Variants in LARP1 observed in about 807,000 individuals in gnomAD.
The protein encoded by LARP1 is La ribonucleoprotein 1, translational regulator.
In LARP1, 36 loss-of-function variants were observed where a neutral mutation model predicts 122.7. The ratio of observed to expected loss-of-function variants is 0.29; its 90% CI spans 0.22 to 0.39. The LOEUF (loss-of-function observed/expected upper bound fraction) is 0.39, where lower values mean the gene tolerates loss of function less well. Ranked by LOEUF, LARP1 falls within the 10% of genes least tolerant of loss-of-function variation. The probability of loss-of-function intolerance (pLI) is 1.00; values close to 1 mark genes in which losing one functional copy is unlikely to be tolerated. For synonymous variants in LARP1, 539 were observed against 528.7 expected (o/e 1.02, Z -0.27); for missense variants, 1,040 against 1,403.6 (o/e 0.74, Z 4.14).
Position 154,802,129 on chromosome 5 carries a change from G to A in LARP1, c.1839G>A (p.Met613Ile). ...EELDFLFDEE[M>I]EQMDGRKNTF... is the part of the protein sequence containing the mutation. ...TGGATTTTCTGTTTGACGAGGAGAT[G>A]GAGCAGATGGATGGGCGGAAGAACA... The change falls in exon 11 of 19, where the codon ATG (methionine) becomes ATA (isoleucine). Residue 613 changes from methionine (M) to isoleucine (I), a missense_variant. Transcript: ENST00000518297. This position sits in a 1 kb window ranked among gnomAD's most constrained non-coding sequence, Gnocchi z 5.1. The A allele has an allele frequency of 6.2e-7, 1 of 1,614,204 alleles. No homozygotes were observed. Among genetic ancestry groups the A allele is most frequent in the Non-Finnish European group, 8.5e-7 (1 of 1,180,038 alleles).
At chr5:154,751,918 T>C (rs1027773592), upstream of LARP1, among the ~76,000 whole-genome samples, 2 of 152,156 alleles carry the variant, frequency 1.3e-5, no homozygotes, top group Non-Finnish European at 1.5e-5. Flanking sequence ...TAAAATACCA[T>C]AGTTGGTTAG....
intron 1 of LARP1, among the ~76,000 whole-genome samples, chr5:154,706,295 AAATAATAATAATAATAATAAT>A (rs138415109): frequency 7.0e-6 from 1 of 142,692 alleles, no homozygotes; most frequent in Non-Finnish European, 1.5e-5. Flanking sequence ...CTTTGTCTCA[AAATAATAATAATAATAATAAT>A]AATAATAATA....
At chr5:154,796,001 T>C (rs755848014) in intron 8 of LARP1, among the ~76,000 whole-genome samples, 9 of 99,250 alleles carry the variant, frequency 9.1e-5, no homozygotes, top group East Asian at 2.4e-4. Flanking sequence ...TATTTTTATA[T>C]ATATTATATA....
At chr5:154,754,634 C>T (rs1753683234), upstream of LARP1, among the ~76,000 whole-genome samples, 1 of 152,266 alleles carries the variant, frequency 6.6e-6, no homozygotes, top group Non-Finnish European at 1.5e-5. Flanking sequence ...TCCGTTCCCA[C>T]TTCCTAGGCG....
intron 1 of LARP1, among the ~76,000 whole-genome samples, chr5:154,761,502 C>A (rs915200796): frequency 6.6e-6 from 1 of 152,100 alleles, no homozygotes; most frequent in African/African-American, 2.4e-5. Flanking sequence ...AACTACAAAA[C>A]CTCTTTAAGA....
intron 1 of LARP1, among the ~76,000 whole-genome samples, chr5:154,697,867 C>G (rs1754536699): frequency 6.6e-6 from 1 of 152,140 alleles, no homozygotes; most frequent in South Asian, 2.1e-4. Context: ...ACTCTATCCT[C>G]CAGGCTGGAG....
chr5:154,757,383 A>T (rs977350659), intron 1 of LARP1: 1 of 149,938 alleles, frequency 6.7e-6, no homozygotes. Flanking sequence ...GCCTTTGCCG[A>T]GAATAGATCG....
At chr5:154,800,428 C>A (rs1758256785) in intron 10 of LARP1, among the ~76,000 whole-genome samples, 2 of 152,010 alleles carry the variant, frequency 1.3e-5, no homozygotes, top group South Asian at 4.1e-4. Context: ...GTATGTAAGC[C>A]CCTTAGGTCC....
intron 16 of LARP1, among the ~76,000 whole-genome samples, chr5:154,809,006 A>G (rs905075610): frequency 6.6e-6 from 1 of 152,052 alleles, no homozygotes; most frequent in African/African-American, 2.4e-5. Flanking sequence ...GTTTTTGTTT[A>G]ATACTATATT....
chr5:154,738,584 T>G (rs915128700), intron 1 of LARP1, among the ~76,000 whole-genome samples: 3 of 151,716 alleles, frequency 2.0e-5, no homozygotes, highest in Admixed American at 6.6e-5. Context: ...AGAGCGAGAC[T>G]CCGTCTCAAA....
At chr5:154,810,847 A>G (rs951967312) in intron 16 of LARP1, among the ~76,000 whole-genome samples, 2 of 152,212 alleles carry the variant, frequency 1.3e-5, no homozygotes, top group South Asian at 2.1e-4. Flanking sequence ...ACTAATTGGC[A>G]TGGTCAAATG....
In LARP1 at chr5:154,803,805, T is replaced by C; in HGVS notation, c.2439+60T>C. Reference sequence around the variant, plus strand: ...GGTCTACTTCATTGCATTCCAGTGCTTTGCTTCTCTCCCTTGCCTTGTCTG... The same window carrying C: ...GGTCTACTTCATTGCATTCCAGTGCCTTGCTTCTCTCCCTTGCCTTGTCTG... On this transcript the variant is annotated intron_variant, in intron 13 of 18. Transcript: ENST00000518297. The surrounding 1 kb of genome is among the most constrained non-coding windows in gnomAD (Gnocchi z 4.4). 4.0e-6 allele frequency: 6 copies of C among 1,500,672 alleles called. No individual in the cohort carries two copies. The South Asian group carries it at 6.8e-5, about 17-fold the overall frequency. The allele number at this position is 1,500,672 out of a possible 1,614,324, so 93.0% of individuals were successfully genotyped here.
upstream of LARP1, among the ~76,000 whole-genome samples, chr5:154,754,542 G>A (rs1456069380): frequency 6.6e-6 from 1 of 152,234 alleles, no homozygotes. Context: ...ACATCCACTT[G>A]AAAGAAAAGA....
intron 1 of LARP1, among the ~76,000 whole-genome samples, chr5:154,769,801 G>A (rs1755253793): frequency 6.6e-6 from 1 of 152,252 alleles, no homozygotes; most frequent in South Asian, 2.1e-4. Flanking sequence ...CCTTGTGGCA[G>A]TAGCTGGGGG....
At chr5:154,727,686 A>G (rs1756310832) in intron 1 of LARP1, among the ~76,000 whole-genome samples, 1 of 152,212 alleles carries the variant, frequency 6.6e-6, no homozygotes, top group Non-Finnish European at 1.5e-5. Context: ...GCTAATGTTA[A>G]TTAGCAAGAT....
At chr5:154,717,878 C>T (rs908219414) in intron 1 of LARP1, among the ~76,000 whole-genome samples, 1 of 152,064 alleles carries the variant, frequency 6.6e-6, no homozygotes, top group Non-Finnish European at 1.5e-5. Flanking sequence ...CACATATACA[C>T]ACACACACAC....
chr5:154,723,093 C>T (rs749742744), intron 1 of LARP1, among the ~76,000 whole-genome samples: 46 of 152,196 alleles, frequency 3.0e-4, no homozygotes, highest in Non-Finnish European at 6.8e-4. Flanking sequence ...GAACGAAAGC[C>T]AACATCTGAT....
At chr5:154,757,656 C>T (rs1485263271) in intron 1 of LARP1, among the ~76,000 whole-genome samples, 1 of 152,134 alleles carries the variant, frequency 6.6e-6, no homozygotes, top group Non-Finnish European at 1.5e-5. Context: ...ACTGCTAGTC[C>T]TAGGGAAGCC....
chr5:154,714,335 G>A (rs1755373705), intron 1 of LARP1, among the ~76,000 whole-genome samples: 1 of 152,166 alleles, frequency 6.6e-6, no homozygotes, highest in Admixed American at 6.5e-5. Context: ...ATGGAATCGT[G>A]GCTGCTTGTT....
Sources: gnomAD v4.1 joint callset for allele counts (sites outside exome capture counted in the v4.1 genomes callset) on GRCh38, gnomAD v4.1.1 for gene constraint, Gnocchi (gnomAD v3.1) non-coding constraint, MANE v1.5 for transcripts, NCBI Gene and HGNC (gene_info 2026-07-23, HGNC 2026-07-21) for gene names.